CEP250: variants seen among roughly 807,000 people sequenced by gnomAD.
The protein encoded by CEP250 is centrosome-associated protein CEP250.
Under a neutral mutation model 315.7 loss-of-function variants are expected in CEP250, and 242 were observed. The ratio of observed to expected loss-of-function variants is 0.77; its 90% confidence interval spans 0.69 to 0.85. The LOEUF is 0.85. CEP250 is among the 40% of genes least tolerant of loss of function. The probability of loss-of-function intolerance (pLI) is 0.00; values close to 1 mark genes in which losing one functional copy is unlikely to be tolerated. For missense variants in CEP250, 2,515 were observed against 2,886.4 expected (o/e 0.87, Z 2.95); for synonymous variants, 1,088 against 1,175.0 (o/e 0.93, Z 1.51).
At position 35,479,363 on chromosome 20, in the gene CEP250, G is replaced by T. The variant is rs762572559; in HGVS notation, c.2227G>T (p.Val743Leu). 1.2e-6 allele frequency: 2 copies of T among 1,614,092 alleles called. No homozygotes were observed. Among genetic ancestry groups the T allele is most frequent in the Non-Finnish European group, 1.7e-6 (2 of 1,180,046 alleles). Residue 743 changes from valine to leucine, a missense_variant, in exon 18 of 35, where the codon GTG becomes TTG. Coordinates refer to ENST00000397527, the MANE Select transcript of CEP250 (RefSeq NM_007186.6). The stretch of plus-strand genomic sequence containing the variant: ...AGTACGAGAGAAAGCGGCTCTAGAG[G>T]TGCGGCTGCAGGCCGTGGAGCGTGA... ...ALVREKAALE[V>L]RLQAVERDRQ...
At chr20:35,477,525 A>G (rs1483386200) in intron 16 of CEP250, among the ~76,000 whole-genome samples, 1 of 152,234 alleles carries the variant, frequency 6.6e-6, no homozygotes, top group Non-Finnish European at 1.5e-5. Flanking sequence ...TGAAGAGCCT[A>G]AGTCCCAAAG....
At chr20:35,491,173 C>G (rs774475003) in intron 21 of CEP250, 39 bp from the exon 22 acceptor site, 7 of 1,602,966 alleles carry the variant, frequency 4.4e-6, no homozygotes, top group Non-Finnish European at 6.0e-6. Flanking sequence ...GCATGGTAAT[C>G]CTGAGCCCAC....
intron 20 of CEP250, among the ~76,000 whole-genome samples, chr20:35,485,645 C>CTTTTTTTTTTTT (rs782622070): frequency 5.9e-5 from 2 of 33,816 alleles, no homozygotes; most frequent in African/African-American, 1.2e-4. Context: ...GTCTGCCTGG[C>CTTTTTTTTTTTT]TTTTTTTTTT....
chr20:35,469,720 G>A, intron 9 of CEP250, 170 bp from the exon 10 acceptor site: 1 of 480,740 alleles, frequency 2.1e-6, no homozygotes, highest in African/African-American at 2.0e-5. Flanking sequence ...CAAGGCTATA[G>A]CATCATGTGG....
intron 28 of CEP250, 112 bp from the exon 29 acceptor site, chr20:35,501,733 C>G: frequency 4.8e-6 from 6 of 1,256,476 alleles, no homozygotes; most frequent in Non-Finnish European, 6.5e-6. Context: ...CCTTCTTGGC[C>G]TTCCTTCCCT....
At chr20:35,467,179 G>GGGGGCCCC in intron 8 of CEP250, 107 bp downstream of exon 8, 1 of 534,882 alleles carries the variant, frequency 1.9e-6, no homozygotes, top group Non-Finnish European at 3.5e-6. Flanking sequence ...GGTGGGTGGG[G>GGGGGCCCC]GAGTTGGTAG....
At chr20:35,475,876 C>T (rs2063159806) in intron 15 of CEP250, among the ~76,000 whole-genome samples, 1 of 152,200 alleles carries the variant, frequency 6.6e-6, no homozygotes, top group Non-Finnish European at 1.5e-5. Flanking sequence ...GGCTTTCTAG[C>T]TCTGTGGTGC....
intron 30 of CEP250, among the ~76,000 whole-genome samples, chr20:35,505,918 A>G (rs1200393269): frequency 6.6e-6 from 1 of 152,120 alleles, no homozygotes; most frequent in East Asian, 1.9e-4. Context: ...GAGTGATGTG[A>G]TCAGACATAC....
At chr20:35,487,620 A>T (rs535131766) in intron 20 of CEP250, among the ~76,000 whole-genome samples, 1 of 151,936 alleles carries the variant, frequency 6.6e-6, no homozygotes, top group African/African-American at 2.4e-5. Flanking sequence ...TTCACACAAT[A>T]AAGGTGAATA....
At position 35,466,186 on chromosome 20, in the gene CEP250, G is replaced by A; in HGVS notation, c.474G>A (p.Gln158=). The A allele has an allele frequency of 6.3e-7, 1 of 1,599,310 alleles. No homozygotes were observed. The highest frequency in any genetic ancestry group is 8.5e-7 in the Non-Finnish European group (1 of 1,171,528). Residue 158 remains glutamine (Q), a synonymous_variant, in exon 7 of 35, where the codon CAG becomes CAA. Coordinates refer to ENST00000397527, the MANE Select transcript of CEP250 (RefSeq NM_007186.6). ...ATGAGCTAATGAGGAAGGAGAGCCA[G>A]TGGCAGATGGAGCAGGAGGTAGGAA... The part of the protein sequence containing the change: ...ARDELMRKES[Q]WQMEQEFFKG...
At chr20:35,459,159 G>A (rs1284443211) in intron 2 of CEP250, among the ~76,000 whole-genome samples, 1 of 151,200 alleles carries the variant, frequency 6.6e-6, no homozygotes, top group Non-Finnish European at 1.5e-5. Flanking sequence ...GATAAGTGGG[G>A]CATATAAAAA....
In CEP250 at chr20:35,507,747, G is replaced by T; in HGVS notation, c.6646G>T (p.Glu2216Ter). 6.4e-7 allele frequency: 1 copy of T among 1,553,608 alleles called. No individual in the cohort carries two copies. Among genetic ancestry groups the T allele is most frequent in the South Asian group, 1.2e-5 (1 of 84,456 alleles). ...TACCTCCGTACCCTAGGATGAACTGGAGCTCACCAGACGGGCTCTGGAGAA... is the reference window on the plus strand; with the variant it reads ...TACCTCCGTACCCTAGGATGAACTGTAGCTCACCAGACGGGCTCTGGAGAA... ...SEQQRLQDELELTRRALEKER... is the reference protein window; with the variant it reads ...SEQQRLQDEL Residue 2216 changes from glutamate to a stop codon, truncating the protein, a stop_gained, in exon 31 of 35, where the codon GAG (glutamate) becomes TAG (stop). Coordinates refer to ENST00000397527, the MANE Select transcript of CEP250 (RefSeq NM_007186.6). LOFTEE classifies it high-confidence loss of function.
intron 3 of CEP250, among the ~76,000 whole-genome samples, chr20:35,461,790 G>C (rs2062761939): frequency 6.6e-6 from 1 of 152,220 alleles, no homozygotes; most frequent in Non-Finnish European, 1.5e-5. Flanking sequence ...CGTAATGCAT[G>C]TAAAGCACTT....
intron 25 of CEP250, 32 bp downstream of exon 25, chr20:35,496,747 C>A: frequency 6.3e-7 from 1 of 1,594,500 alleles, no homozygotes. Context: ...AGCTCTGCAT[C>A]CCTGGCAGAA....
At chr20:35,461,011 T>A (rs2062743123) in intron 3 of CEP250, among the ~76,000 whole-genome samples, 1 of 152,202 alleles carries the variant, frequency 6.6e-6, no homozygotes, top group African/African-American at 2.4e-5. Flanking sequence ...TAAAAGTGAC[T>A]AACTCTTCCT....
chr20:35,505,181 G>T (rs2147182788), intron 30 of CEP250, among the ~76,000 whole-genome samples, 176 bp downstream of exon 30: 1 of 152,298 alleles, frequency 6.6e-6, no homozygotes, highest in Admixed American at 6.5e-5. Context: ...ATACAGAGAG[G>T]ATAAGAACCC....
At chr20:35,484,856 G>A (rs2063461203) in intron 20 of CEP250, among the ~76,000 whole-genome samples, 1 of 152,154 alleles carries the variant, frequency 6.6e-6, no homozygotes, top group Non-Finnish European at 1.5e-5. Flanking sequence ...AAATGAGCAT[G>A]ACTGTGCTCA....
intron 1 of CEP250, among the ~76,000 whole-genome samples, 180 bp downstream of exon 1, chr20:35,455,931 T>C (rs1007906687): frequency 6.6e-6 from 1 of 152,206 alleles, no homozygotes; most frequent in African/African-American, 2.4e-5. Flanking sequence ...GTTTCGCGCT[T>C]GTTGCCCAGG....
rs143620499 is a variant in CEP250 at position 35,498,016 on chromosome 20, G to A, written c.3604G>A (p.Glu1202Lys). The change falls in exon 26 of 35, where the codon GAG becomes AAG. Residue 1202 changes from glutamate to lysine, a missense_variant. Physicochemically the swap from Glu to Lys is moderately conservative, Grantham distance 56 (BLOSUM62 1). Transcript: ENST00000397527. ...ALGSVCESRP[E>K]LSGGGDSAPS... is the part of the protein sequence containing the mutation. ...GGGGTCTGTTTGTGAGAGCAGGCCT[G>A]AGCTGAGTGGTGGGGGAGACTCTGC... 1,893 of 1,605,144 alleles carry A rather than the reference G, an allele frequency of 1.2e-3. 8 individuals carry two copies. The highest frequency in any genetic ancestry group is 9.3e-4 in the Non-Finnish European group (1,094 of 1,173,502).
Sources: allele counts gnomAD v4.1 joint callset (sites outside exome capture counted in the v4.1 genomes callset), GRCh38; gene constraint gnomAD v4.1.1; transcripts MANE v1.5; gene names NCBI Gene and HGNC (gene_info 2026-07-23, HGNC 2026-07-21).